Variants in HECW2 observed in about 807,000 individuals in gnomAD.
HECW2 encodes E3 ubiquitin-protein ligase HECW2.
Under a neutral mutation model 175.2 loss-of-function variants are expected in HECW2, and 61 were observed. That is an observed-to-expected ratio of 0.35 (90% CI 0.28 to 0.43). HECW2 has a LOEUF of 0.43. HECW2 is among the 20% of genes least tolerant of loss of function. The pLI is 1.00. For missense variants in HECW2, 1,524 were observed against 2,000.5 expected, an observed-to-expected ratio of 0.76 and a Z score of 4.54; for synonymous variants, 671 against 731.0, an observed-to-expected ratio of 0.92 and a Z score of 1.32.
At chr2:196,513,454 G>A (rs58691394) in intron 1 of HECW2, among the ~76,000 whole-genome samples, 12,209 of 152,228 alleles carry the variant, frequency 0.08, 618 homozygotes, top group South Asian at 0.15. Flanking sequence ...AGACTGCAGT[G>A]AGCCATGATC....
chr2:196,258,091 C>T, intron 17 of HECW2, 185 bp from the exon 18 acceptor site: 1 of 558,598 alleles, frequency 1.8e-6, no homozygotes, highest in Non-Finnish European at 3.2e-6. Flanking sequence ...GGGGGGGGAT[C>T]TTGTAAGCAT....
At chr2:196,435,234 G>A (rs1324142937) in intron 1 of HECW2, among the ~76,000 whole-genome samples, 1 of 152,184 alleles carries the variant, frequency 6.6e-6, no homozygotes, top group Admixed American at 6.5e-5. Flanking sequence ...CTTATTTTCT[G>A]TATGTGGTCT....
intron 10 of HECW2, among the ~76,000 whole-genome samples, chr2:196,313,978 T>G (rs965358068): frequency 6.6e-6 from 1 of 152,220 alleles, no homozygotes; most frequent in Admixed American, 6.5e-5. Flanking sequence ...GGAGCTTCAC[T>G]TGAGCCCAGG....
At chr2:196,542,150 G>C (rs1689238998) in intron 1 of HECW2, among the ~76,000 whole-genome samples, 1 of 151,792 alleles carries the variant, frequency 6.6e-6, no homozygotes, top group African/African-American at 2.4e-5. Flanking sequence ...TGTAGTCCCA[G>C]CTACTCAGGA....
intron 1 of HECW2, among the ~76,000 whole-genome samples, chr2:196,487,379 A>C (rs1687045438): frequency 6.6e-6 from 1 of 152,202 alleles, no homozygotes; most frequent in African/African-American, 2.4e-5. Flanking sequence ...TGGTGCCATG[A>C]GCTGTGGGTA....
At chr2:196,526,476 C>T (rs1401633902) in intron 1 of HECW2, among the ~76,000 whole-genome samples, 1 of 152,052 alleles carries the variant, frequency 6.6e-6, no homozygotes, top group African/African-American at 2.4e-5. Flanking sequence ...CTTCTCTCAG[C>T]TCGTCAACGT....
chr2:196,272,599 T>C (rs1689780831), intron 16 of HECW2, among the ~76,000 whole-genome samples: 1 of 152,194 alleles, frequency 6.6e-6, no homozygotes, highest in Admixed American at 6.5e-5. Context: ...GATCTGCCAT[T>C]TCCAATCTTA....
intron 1 of HECW2, among the ~76,000 whole-genome samples, chr2:196,520,840 C>T (rs1296611317): frequency 6.6e-6 from 1 of 152,138 alleles, no homozygotes; most frequent in Non-Finnish European, 1.5e-5. Flanking sequence ...ATGCTCAGTT[C>T]ACACAGAAGG....
chr2:196,427,649 T>G (rs1254621715), intron 2 of HECW2, among the ~76,000 whole-genome samples: 1 of 152,132 alleles, frequency 6.6e-6, no homozygotes, highest in Non-Finnish European at 1.5e-5. Context: ...GTTAAATTTG[T>G]GAGGAATCAA....
intron 1 of HECW2, among the ~76,000 whole-genome samples, chr2:196,524,029 T>G (rs1206722266): frequency 6.6e-6 from 1 of 150,692 alleles, no homozygotes; most frequent in Non-Finnish European, 1.5e-5. Context: ...TTCTATTGAT[T>G]GGAATAGTTT....
chr2:196,284,032 T>C (rs746136516), intron 14 of HECW2, among the ~76,000 whole-genome samples: 66 of 152,328 alleles, frequency 4.3e-4, no homozygotes, highest in Middle Eastern at 3.4e-3. Flanking sequence ...CTTTTTTCCA[T>C]TCTGCTTTCT....
chr2:196,495,208 C>T (rs552791415), intron 1 of HECW2, among the ~76,000 whole-genome samples: 1 of 152,140 alleles, frequency 6.6e-6, no homozygotes, highest in South Asian at 2.1e-4. Flanking sequence ...ACTGGGATTA[C>T]AAGCGTACGC....
intron 14 of HECW2, among the ~76,000 whole-genome samples, chr2:196,284,758 G>A (rs914222949): frequency 3.9e-5 from 6 of 152,134 alleles, no homozygotes; most frequent in African/African-American, 1.2e-4. Flanking sequence ...ATCACTTTAT[G>A]TCACAGTTTT....
chr2:196,474,171 A>G (rs1463815528), intron 1 of HECW2, among the ~76,000 whole-genome samples: 1 of 152,250 alleles, frequency 6.6e-6, no homozygotes, highest in Non-Finnish European at 1.5e-5. Flanking sequence ...GTTACTGCCA[A>G]TAGCATTCAT....
chr2:196,465,082 T>C (rs879704423), intron 1 of HECW2, among the ~76,000 whole-genome samples: 2 of 152,150 alleles, frequency 1.3e-5, no homozygotes, highest in Non-Finnish European at 2.9e-5. Context: ...GTAATCCTAA[T>C]ATGCTCTCCT....
At chr2:196,539,240 G>C (rs1689124486) in intron 1 of HECW2, among the ~76,000 whole-genome samples, 1 of 152,146 alleles carries the variant, frequency 6.6e-6, no homozygotes, top group Admixed American at 6.5e-5. Flanking sequence ...TGTGAAATGA[G>C]GGAACTCTTC....
At chr2:196,247,548 A>AGT (rs1156644534) in intron 19 of HECW2, among the ~76,000 whole-genome samples, 7 of 152,200 alleles carry the variant, frequency 4.6e-5, no homozygotes, top group African/African-American at 9.7e-5. Context: ...CTTCATGGAT[A>AGT]GTCAGCATTT....
rs144460736 is a variant in HECW2, at chr2:196,531,336, T to A, written c.-36+62172A>T. Among the ~76,000 whole-genome samples the A allele has an allele frequency of 4.9e-3, 746 of 152,300 alleles. 6 individuals carry two copies. The highest frequency in any genetic ancestry group is 0.014 in the Middle Eastern group (4 of 294). ...TTTGTTACAGCAGCTTAGCTTGTAC[T>A]TTAACAAATACACTAAACTTATTAT... is the stretch of plus-strand genomic sequence containing the variant. On this transcript the variant is annotated intron_variant, in intron 1 of 28. Coordinates refer to ENST00000644978, the MANE Select transcript of HECW2 (RefSeq NM_001348768.2).
At position 196,296,096 on chromosome 2, in the gene HECW2, A is replaced by C. The variant is rs1690802305; in HGVS notation, c.2815-3346T>G. On this transcript the variant is annotated intron_variant, in intron 13 of 28. Transcript: ENST00000644978. ...TCTATAAAAAAAACTATGTTTGAAT[A>C]ACTTCATATGTTTATGCAAAAACTG... 6.6e-5 allele frequency among the ~76,000 whole-genome samples: 10 copies of C among 151,998 alleles called. No individual in the cohort carries two copies. In the South Asian group the frequency reaches 2.1e-3, roughly 32 times the overall value.
Sources: allele counts gnomAD v4.1 joint callset (sites outside exome capture counted in the v4.1 genomes callset), GRCh38; gene constraint gnomAD v4.1.1; transcripts MANE v1.5; gene names NCBI Gene and HGNC (gene_info 2026-07-23, HGNC 2026-07-21).